TMEM240: variants seen among roughly 807,000 people sequenced by gnomAD.
TMEM240 encodes the protein transmembrane protein C1orf70.
A neutral mutation model predicts 19.5 loss-of-function variants in TMEM240; 3 were observed. That is an observed-to-expected ratio of 0.15 (90% CI 0.07 to 0.40). The LOEUF is 0.40. Among genes scored for constraint, TMEM240 ranks in the 10% least tolerant of loss-of-function variants. The probability of loss-of-function intolerance (pLI) is 1.00; values close to 1 mark genes in which losing one functional copy is unlikely to be tolerated. For missense variants in TMEM240, 210 were observed against 253.5 expected, an observed-to-expected ratio of 0.83 and a Z score of 1.17; for synonymous variants, 123 against 109.3, an observed-to-expected ratio of 1.13 and a Z score of -0.78.
intron 2 of TMEM240, among the ~76,000 whole-genome samples, chr1:1,537,585 A>AG (rs1642241310): frequency 6.6e-6 from 1 of 152,136 alleles, no homozygotes; most frequent in African/African-American, 2.4e-5. Flanking sequence ...AAGTGAAAGC[A>AG]GGAGATAGGC....
intron 2 of TMEM240, among the ~76,000 whole-genome samples, chr1:1,537,118 T>TG (rs979589303): frequency 2.0e-5 from 3 of 151,934 alleles, no homozygotes; most frequent in South Asian, 2.1e-4. Flanking sequence ...CAGTGAGATC[T>TG]GGGGGGTCCT....
rs546291208 is a variant in TMEM240, at chr1:1,535,436, C to T, written c.445G>A (p.Glu149Lys). Residue 149 changes from glutamate (E) to lysine (K), a missense_variant, in exon 4 of 4, where the codon GAG becomes AAG. Glu to Lys is a moderately conservative substitution (Grantham distance 56). Coordinates refer to ENST00000378733, the MANE Select transcript of TMEM240 (RefSeq NM_001114748.2). The surrounding 1 kb of genome is among the most constrained non-coding windows in gnomAD (Gnocchi z 8.2). ...TGTACCATGTTCCCGGCGGCCTCCT[C>T]GAAGGGCCTGTGCGGCCGCCGGCCC... Reference protein sequence around the residue: ...ELGRRPHRPFEEAAGNMVHVK... With the variant: ...ELGRRPHRPFKEAAGNMVHVK... The T allele has an allele frequency of 4.9e-5, 76 of 1,549,412 alleles. 1 individual carries two copies. Among genetic ancestry groups the T allele is most frequent in the South Asian group, 1.1e-4 (9 of 84,006 alleles).
At position 1,535,831 on chromosome 1, in the gene TMEM240, G is replaced by A. The variant is rs763886862; in HGVS notation, c.165-34C>T. Reference sequence around the variant, plus strand: ...GGCAGGGCGGGCTGGCACCTCTCCCGCCACCCCCGGCCTGGCCTTCCCCCG... The same window carrying A: ...GGCAGGGCGGGCTGGCACCTCTCCCACCACCCCCGGCCTGGCCTTCCCCCG... On this transcript the variant is annotated intron_variant, in intron 2 of 3. Coordinates refer to ENST00000378733, the MANE Select transcript of TMEM240 (RefSeq NM_001114748.2). This position sits in a 1 kb window ranked among gnomAD's most constrained non-coding sequence, Gnocchi z 8.2. 2.5e-5 allele frequency: 38 copies of A among 1,492,970 alleles called. No individual in the cohort carries two copies. The highest frequency in any genetic ancestry group is 9.8e-5 in the African/African-American group (7 of 71,088). 92.5% of individuals were successfully genotyped at this position (1,492,970 alleles called of 1,614,324 possible).
chr1:1,535,228 C>G lies in TMEM240; in HGVS notation c.*131G>C. On this transcript the variant is annotated 3_prime_UTR_variant, in exon 4 of 4. Coordinates refer to ENST00000378733, the MANE Select transcript of TMEM240 (RefSeq NM_001114748.2). This position sits in a 1 kb window ranked among gnomAD's most constrained non-coding sequence, Gnocchi z 8.2. Reference sequence around the variant, plus strand: ...AGCACCTTCCACTGGACTCTCCCGGCCGGCCACAGCCCCGGACAACCTGGG... The same window carrying G: ...AGCACCTTCCACTGGACTCTCCCGGGCGGCCACAGCCCCGGACAACCTGGG... 1 of 1,063,796 alleles carries G rather than the reference C, an allele frequency of 9.4e-7. No individual in the cohort carries two copies. The highest frequency in any genetic ancestry group is 1.3e-6 in the Non-Finnish European group (1 of 753,232). 65.9% of individuals were successfully genotyped at this position (1,063,796 alleles called of 1,614,324 possible). A position where few individuals can be genotyped will look rare whatever the true frequency, so the allele number is the denominator to read the frequency against.
rs1642210857 is a variant in TMEM240, at chr1:1,535,866, C to T, written c.165-69G>A. On this transcript the variant is annotated intron_variant, in intron 2 of 3. Transcript: ENST00000378733. This position sits in a 1 kb window ranked among gnomAD's most constrained non-coding sequence, Gnocchi z 8.2. ...GCCTGGCCTTCCCCCGGGGCGCCTA[C>T]CCCGTGGTGGGGGTGTGACCGCGTC... The T allele has an allele frequency of 3.5e-6, 5 of 1,428,718 alleles. No individual in the cohort carries two copies. The highest frequency in any genetic ancestry group is 4.8e-6 in the Non-Finnish European group (5 of 1,040,340). The allele number at this position is 1,428,718 out of a possible 1,614,324, so 88.5% of individuals were successfully genotyped here.
At position 1,535,471 on chromosome 1, in the gene TMEM240, A is replaced by G; in HGVS notation, c.410T>C (p.Leu137Pro). ...SWTWLPKLCS[L>P]RELGRRPHRP... ...GTGCGGCCGCCGGCCCAGCTCCCGC[A>G]GGCTGCACAGCTTGGGCAGCCAGGT... The change falls in exon 4 of 4, where the codon CTG (leucine) becomes CCG (proline). Residue 137 changes from leucine to proline, a missense_variant. Coordinates refer to ENST00000378733, the MANE Select transcript of TMEM240 (RefSeq NM_001114748.2). The surrounding 1 kb of genome is among the most constrained non-coding windows in gnomAD (Gnocchi z 8.2). 1.3e-6 allele frequency: 2 copies of G among 1,548,654 alleles called. No individual in the cohort carries two copies. Among genetic ancestry groups the G allele is most frequent in the Non-Finnish European group, 1.7e-6 (2 of 1,146,118 alleles).
chr1:1,535,287 C>T lies in TMEM240; in HGVS notation c.*72G>A, dbSNP rs376080975. The T allele has an allele frequency of 6.8e-5, 101 of 1,496,110 alleles. No individual in the cohort carries two copies. The East Asian group carries it at 1.3e-3, about 19-fold the overall frequency. 92.7% of individuals were successfully genotyped at this position (1,496,110 alleles called of 1,614,324 possible). ...TGCTGTCCAGTCCCGCCGGCCCGGG[C>T]GTCCACGAGGTCCCTTTTACATCTG... On this transcript the variant is annotated 3_prime_UTR_variant, in exon 4 of 4. Transcript: ENST00000378733. This position sits in a 1 kb window ranked among gnomAD's most constrained non-coding sequence, Gnocchi z 8.2.
At position 1,536,529 on chromosome 1, in the gene TMEM240, C is replaced by T. The variant is rs1444469080; in HGVS notation, c.165-732G>A. ...GGCCCTTTCGTCCTCAGTGCCTGCGCGCCTCCATGTCCCTCGGCCTCCCCT... is the reference window on the plus strand; with the variant it reads ...GGCCCTTTCGTCCTCAGTGCCTGCGTGCCTCCATGTCCCTCGGCCTCCCCT... On this transcript the variant is annotated intron_variant, in intron 2 of 3. Transcript: ENST00000378733. The surrounding 1 kb of genome is among the most constrained non-coding windows in gnomAD (Gnocchi z 5.4). 2.6e-5 allele frequency among the ~76,000 whole-genome samples: 4 copies of T among 152,180 alleles called. No homozygotes were observed. The highest frequency in any genetic ancestry group is 2.9e-5 in the Non-Finnish European group (2 of 68,034).
At chr1:1,539,908 G>T in intron 1 of TMEM240, 118 bp from the exon 2 acceptor site, 1 of 840,270 alleles carries the variant, frequency 1.2e-6, no homozygotes, top group Non-Finnish European at 1.8e-6. Flanking sequence ...CGCAGGCCGG[G>T]GTGAGGGGAG....
In TMEM240 at chr1:1,535,060, CCCTG is replaced by C. The variant is rs1319519053; in HGVS notation, c.*295_*298del. 2 of 181,818 alleles carry C rather than the reference CCCTG, an allele frequency of 1.1e-5. No homozygotes were observed. Among genetic ancestry groups the C allele is most frequent in the African/African-American group, 5.0e-5 (2 of 39,916 alleles). 11.3% of individuals were successfully genotyped at this position (181,818 alleles called of 1,614,324 possible). On this transcript the variant is annotated 3_prime_UTR_variant, in exon 4 of 4. Coordinates refer to ENST00000378733, the MANE Select transcript of TMEM240 (RefSeq NM_001114748.2). The surrounding 1 kb of genome is among the most constrained non-coding windows in gnomAD (Gnocchi z 8.2). ...GCCCCCACCTGCCCCCCAGGACCCT[CCCTG>C]CCCCCCAGGACCCTCCCTGCCCCCC... is the stretch of plus-strand genomic sequence containing the variant.
At position 1,535,906 on chromosome 1, in the gene TMEM240, GTTCTCT is replaced by G; in HGVS notation, c.165-115_165-110del. On this transcript the variant is annotated intron_variant, in intron 2 of 3. Transcript: ENST00000378733. This position sits in a 1 kb window ranked among gnomAD's most constrained non-coding sequence, Gnocchi z 8.2. ...GTGACCGCGTCAGGCCGCCCTGGGGGTTCTCTGAAGCAGCCTCTTGGGCGGGCGGGT... is the reference window on the plus strand; with the variant it reads ...GTGACCGCGTCAGGCCGCCCTGGGGGGAAGCAGCCTCTTGGGCGGGCGGGT... 2 of 464,390 alleles carry G rather than the reference GTTCTCT, an allele frequency of 4.3e-6. No individual in the cohort carries two copies. Among genetic ancestry groups the G allele is most frequent in the Non-Finnish European group, 8.2e-6 (2 of 244,964 alleles). The allele number at this position is 464,390 out of a possible 1,614,324, so 28.8% of individuals were successfully genotyped here. A position where few individuals can be genotyped will look rare whatever the true frequency, so the allele number is the denominator to read the frequency against.
At position 1,536,452 on chromosome 1, in the gene TMEM240, C is replaced by T. The variant is rs1642223204; in HGVS notation, c.165-655G>A. On this transcript the variant is annotated intron_variant, in intron 2 of 3. Coordinates refer to ENST00000378733, the MANE Select transcript of TMEM240 (RefSeq NM_001114748.2). The surrounding 1 kb of genome is among the most constrained non-coding windows in gnomAD (Gnocchi z 5.4). ...CTGGGGGACGCCCCCTTGCCCTTGC[C>T]TGGCACAGACCCGCCCCGCTCCTCT... Among the ~76,000 whole-genome samples the T allele has an allele frequency of 6.6e-6, 1 of 152,204 alleles. No homozygotes were observed. The highest frequency in any genetic ancestry group is 1.5e-5 in the Non-Finnish European group (1 of 68,008).
In TMEM240 at chr1:1,540,250, CGGGGAGCAGGGGGCGCGCGCGGGA is replaced by C. The variant is rs1301869362; in HGVS notation, c.57+16_57+39del. The C allele has an allele frequency of 2.9e-5, 29 of 1,001,748 alleles. No individual in the cohort carries two copies. Among genetic ancestry groups the C allele is most frequent in the Non-Finnish European group, 3.3e-5 (28 of 838,458 alleles). 62.1% of individuals were successfully genotyped at this position (1,001,748 alleles called of 1,614,324 possible). A position where few individuals can be genotyped will look rare whatever the true frequency, so the allele number is the denominator to read the frequency against. ...AGGTGGGCCAGGCGGCGCGCGCGGG[CGGGGAGCAGGGGGCGCGCGCGGGA>C]AGCCCCTCCGCTCACCATCACGACC... is the stretch of plus-strand genomic sequence containing the variant. On this transcript the variant is annotated intron_variant, in intron 1 of 3. Transcript: ENST00000378733.
At position 1,535,188 on chromosome 1, in the gene TMEM240, A is replaced by T; in HGVS notation, c.*171T>A. On this transcript the variant is annotated 3_prime_UTR_variant, in exon 4 of 4. Transcript: ENST00000378733. The surrounding 1 kb of genome is among the most constrained non-coding windows in gnomAD (Gnocchi z 8.2). ...CCTAGCCCACACCCCAACCCCCTTTATAAAAAGAAGAGACAGCACCTTCCA... is the reference window on the plus strand; with the variant it reads ...CCTAGCCCACACCCCAACCCCCTTTTTAAAAAGAAGAGACAGCACCTTCCA... 1 of 510,964 alleles carries T rather than the reference A, an allele frequency of 2.0e-6. No homozygotes were observed. The highest frequency in any genetic ancestry group is 4.7e-5 in the East Asian group (1 of 21,104). 31.7% of individuals were successfully genotyped at this position (510,964 alleles called of 1,614,324 possible).
intron 2 of TMEM240, among the ~76,000 whole-genome samples, chr1:1,538,726 G>T (rs1241069673): frequency 6.6e-6 from 1 of 152,228 alleles, no homozygotes; most frequent in Non-Finnish European, 1.5e-5. Context: ...CACGCCTGCT[G>T]CACCCATAGG....
rs5772044 is a variant in TMEM240 at position 1,534,913 on chromosome 1, G to GCCC, written c.*445_*446insGGG. ...ACCCTGTGGCTGTGCACACGCGGGT[G>GCCC]CTCCCCTCGCCCCCCTCCCCTCCGC... On this transcript the variant is annotated 3_prime_UTR_variant, in exon 4 of 4. Transcript: ENST00000378733. Among the ~76,000 whole-genome samples the GCCC allele has an allele frequency of 2.7e-5, 4 of 149,278 alleles. No homozygotes were observed. Among genetic ancestry groups the GCCC allele is most frequent in the South Asian group, 2.1e-4 (1 of 4,752 alleles).
Position 1,536,086 on chromosome 1 carries a change from C to A in TMEM240, c.165-289G>T, listed in dbSNP as rs1365395222. ...GAGGGTGTCGGCCCTCACTCAGCACCTCCTCCCTGAGGCCTGGAGCTCACG... is the reference window on the plus strand; with the variant it reads ...GAGGGTGTCGGCCCTCACTCAGCACATCCTCCCTGAGGCCTGGAGCTCACG... On this transcript the variant is annotated intron_variant, in intron 2 of 3. Coordinates refer to ENST00000378733, the MANE Select transcript of TMEM240 (RefSeq NM_001114748.2). This position sits in a 1 kb window ranked among gnomAD's most constrained non-coding sequence, Gnocchi z 5.4. Among the ~76,000 whole-genome samples the A allele has an allele frequency of 2.6e-5, 4 of 152,122 alleles. No homozygotes were observed. The highest frequency in any genetic ancestry group is 9.7e-5 in the African/African-American group (4 of 41,412).
chr1:1,535,860 C>G lies in TMEM240; in HGVS notation c.165-63G>C. On this transcript the variant is annotated intron_variant, in intron 2 of 3. Coordinates refer to ENST00000378733, the MANE Select transcript of TMEM240 (RefSeq NM_001114748.2). This position sits in a 1 kb window ranked among gnomAD's most constrained non-coding sequence, Gnocchi z 8.2. ...CCCCCGGCCTGGCCTTCCCCCGGGG[C>G]GCCTACCCCGTGGTGGGGGTGTGAC... is the stretch of plus-strand genomic sequence containing the variant. 2 of 1,428,118 alleles carry G rather than the reference C, an allele frequency of 1.4e-6. No individual in the cohort carries two copies. Among genetic ancestry groups the G allele is most frequent in the South Asian group, 2.4e-5 (2 of 81,638 alleles). The allele number at this position is 1,428,118 out of a possible 1,614,324, so 88.5% of individuals were successfully genotyped here. A position where few individuals can be genotyped will look rare whatever the true frequency, so the allele number is the denominator to read the frequency against.
In TMEM240 at chr1:1,536,502, A is replaced by C. The variant is rs1642224731; in HGVS notation, c.165-705T>G. ...TCAGGATGGACGGCGTCCAGGCTCC[A>C]GGGCCCTTTCGTCCTCAGTGCCTGC... On this transcript the variant is annotated intron_variant, in intron 2 of 3. Transcript: ENST00000378733. The surrounding 1 kb of genome is among the most constrained non-coding windows in gnomAD (Gnocchi z 5.4). Among the ~76,000 whole-genome samples, 1 of 152,146 alleles carries C rather than the reference A, an allele frequency of 6.6e-6. No individual in the cohort carries two copies. The highest frequency in any genetic ancestry group is 1.5e-5 in the Non-Finnish European group (1 of 68,006).
Sources: allele counts gnomAD v4.1 joint callset (sites outside exome capture counted in the v4.1 genomes callset), GRCh38; gene constraint gnomAD v4.1.1; non-coding constraint Gnocchi (gnomAD v3.1); transcripts MANE v1.5; gene names NCBI Gene and HGNC (gene_info 2026-07-23, HGNC 2026-07-21).